TM2D1: variants seen among roughly 807,000 people sequenced by gnomAD.
TM2D1 encodes TM2 domain-containing protein 1.
TM2D1 carries 15 observed loss-of-function variants against 28.4 expected under a neutral mutation model. The ratio of observed to expected loss-of-function variants is 0.53; its 90% CI spans 0.35 to 0.81. The LOEUF (loss-of-function observed/expected upper bound fraction) is 0.81. TM2D1 is among the 40% of genes least tolerant of loss of function. The probability of loss-of-function intolerance (pLI) is 0.01; values close to 1 mark genes in which losing one functional copy is unlikely to be tolerated. For missense variants in TM2D1, 236 were observed against 254.9 expected (o/e 0.93, Z 0.50); for synonymous variants, 93 against 96.2 (o/e 0.97, Z 0.20).
At chr1:61,721,101 T>C (rs1052851568) in intron 2 of TM2D1, among the ~76,000 whole-genome samples, 52 of 151,948 alleles carry the variant, frequency 3.4e-4, no homozygotes, top group African/African-American at 1.2e-3. Context: ...TGTAGTGGCA[T>C]GTACCTGTAG....
At chr1:61,687,588 C>T (rs1404954591) in intron 5 of TM2D1, among the ~76,000 whole-genome samples, 3 of 152,092 alleles carry the variant, frequency 2.0e-5, no homozygotes, top group African/African-American at 7.2e-5. Context: ...AGTACTTTAT[C>T]ACCCCAACTT....
chr1:61,724,757 A>G (rs569994044), intron 1 of TM2D1, 200 bp downstream of exon 1: 16 of 513,710 alleles, frequency 3.1e-5, no homozygotes, highest in African/African-American at 2.5e-4. Flanking sequence ...GTAAAATCAT[A>G]AGGAAATCAC....
intron 2 of TM2D1, among the ~76,000 whole-genome samples, chr1:61,719,733 G>T (rs1557540995): frequency 6.6e-6 from 1 of 152,102 alleles, no homozygotes; most frequent in Non-Finnish European, 1.5e-5. Context: ...GACCTCAGGT[G>T]ACCCACCTGC....
intron 2 of TM2D1, among the ~76,000 whole-genome samples, chr1:61,721,168 T>C (rs939601205): frequency 6.6e-6 from 1 of 151,490 alleles, no homozygotes; most frequent in Non-Finnish European, 1.5e-5. Flanking sequence ...GAGGTGGAGG[T>C]TGCAGTGAGC....
intron 4 of TM2D1, chr1:61,698,845 G>A (rs1160764574): frequency 6.6e-6 from 1 of 151,782 alleles, no homozygotes; most frequent in Non-Finnish European, 1.5e-5. Flanking sequence ...TCAGCCTGTT[G>A]AGTAGCTAAG....
At chr1:61,683,629 A>ATTTATT in intron 5 of TM2D1, 83 bp from the exon 6 acceptor site, 1 of 722,862 alleles carries the variant, frequency 1.4e-6, no homozygotes, top group South Asian at 2.0e-5. Flanking sequence ...GTTGTTAATA[A>ATTTATT]AAGTATTTCA....
At chr1:61,705,865 G>A (rs1644436669) in intron 3 of TM2D1, among the ~76,000 whole-genome samples, 1 of 152,034 alleles carries the variant, frequency 6.6e-6, no homozygotes, top group African/African-American at 2.4e-5. Flanking sequence ...AATCAGACAT[G>A]GTTACCAGAC....
At chr1:61,690,257 GA>G (rs1644313862) in intron 5 of TM2D1, among the ~76,000 whole-genome samples, 1 of 152,018 alleles carries the variant, frequency 6.6e-6, no homozygotes, top group South Asian at 2.1e-4. Flanking sequence ...AGGAGTTCAA[GA>G]CCAGCCTGGC....
chr1:61,694,546 C>A, intron 5 of TM2D1, 151 bp downstream of exon 5: 1 of 471,316 alleles, frequency 2.1e-6, no homozygotes, highest in Non-Finnish European at 3.8e-6. Context: ...GGAAACATGA[C>A]CAGGATTCCT....
chr1:61,695,007 C>A (rs1644353884), intron 4 of TM2D1, among the ~76,000 whole-genome samples: 1 of 151,832 alleles, frequency 6.6e-6, no homozygotes, highest in African/African-American at 2.4e-5. Flanking sequence ...ATATTAGTAA[C>A]TGAAAAAAAC....
At chr1:61,710,731 A>G (rs1644473027) in intron 2 of TM2D1, among the ~76,000 whole-genome samples, 1 of 152,068 alleles carries the variant, frequency 6.6e-6, no homozygotes, top group Non-Finnish European at 1.5e-5. Context: ...TGTGTATAAT[A>G]AAGTAAAAAC....
At chr1:61,718,531 G>A (rs1644538509) in intron 2 of TM2D1, among the ~76,000 whole-genome samples, 1 of 152,174 alleles carries the variant, frequency 6.6e-6, no homozygotes. Flanking sequence ...TCTAGGGGTG[G>A]TAGGGGGATA....
chr1:61,693,583 C>T (rs1240113061), intron 5 of TM2D1, among the ~76,000 whole-genome samples: 1 of 152,140 alleles, frequency 6.6e-6, no homozygotes, highest in Non-Finnish European at 1.5e-5. Context: ...CATATGTTTA[C>T]GAGTACAGAC....
chr1:61,684,264 A>C (rs1644267840), intron 5 of TM2D1, among the ~76,000 whole-genome samples: 1 of 152,226 alleles, frequency 6.6e-6, no homozygotes, highest in Non-Finnish European at 1.5e-5. Flanking sequence ...AGATTTACCA[A>C]GGTGTATGTG....
At chr1:61,698,086 G>A (rs929777589) in intron 4 of TM2D1, 9 of 152,164 alleles carry the variant, frequency 5.9e-5, no homozygotes, top group Admixed American at 4.6e-4. Context: ...TGGCTGCATA[G>A]TATTCTGTTG....
chr1:61,689,682 A>C (rs777574253), intron 5 of TM2D1, among the ~76,000 whole-genome samples: 59 of 152,350 alleles, frequency 3.9e-4, no homozygotes, highest in Admixed American at 2.0e-3. Context: ...GTTTCTAAAA[A>C]TAAATGGAAT....
At chr1:61,714,304 A>G (rs1417145758) in intron 2 of TM2D1, among the ~76,000 whole-genome samples, 1 of 151,286 alleles carries the variant, frequency 6.6e-6, no homozygotes, top group Non-Finnish European at 1.5e-5. Flanking sequence ...GCACTTTGGG[A>G]GGCCGAGGTG....
chr1:61,710,473 TATAC>T (rs200669996), intron 2 of TM2D1, among the ~76,000 whole-genome samples: 4 of 88,320 alleles, frequency 4.5e-5, no homozygotes, highest in African/African-American at 1.6e-4. Flanking sequence ...CATATATATA[TATAC>T]ACACACACAC....
chr1:61,686,121 A>G (rs1467867838), intron 5 of TM2D1, among the ~76,000 whole-genome samples: 3 of 152,214 alleles, frequency 2.0e-5, no homozygotes, highest in Non-Finnish European at 4.4e-5. Flanking sequence ...TTTATTCCTT[A>G]CTGGATCTCA....
Sources: allele counts gnomAD v4.1 joint callset (sites outside exome capture counted in the v4.1 genomes callset), GRCh38; gene constraint gnomAD v4.1.1; transcripts MANE v1.5; gene names NCBI Gene and HGNC (gene_info 2026-07-23, HGNC 2026-07-21).